Variants in STK33 observed in about 807,000 individuals in gnomAD.
The protein encoded by STK33 is serine/threonine-protein kinase 33.
Under a neutral mutation model 58.0 loss-of-function variants are expected in STK33, and 52 were observed. That is an observed-to-expected ratio of 0.90 (90% confidence interval 0.72 to 1.13). The LOEUF is 1.13. Ranked by LOEUF, STK33 falls within the 50% of genes most tolerant of loss-of-function variation. The pLI is 0.00. For synonymous variants in STK33, 215 were observed against 200.1 expected, an observed-to-expected ratio of 1.07 and a Z score of -0.63; for missense variants, 630 against 604.2, an observed-to-expected ratio of 1.04 and a Z score of -0.45.
At chr11:8,490,960 T>G (rs1950565877) in intron 1 of STK33, among the ~76,000 whole-genome samples, 1 of 151,998 alleles carries the variant, frequency 6.6e-6, no homozygotes, top group Non-Finnish European at 1.5e-5. Context: ...AGACCAAAGG[T>G]AGATAAAAAC....
At chr11:8,390,517 G>A (rs1426556788), downstream of STK33, among the ~76,000 whole-genome samples, 1 of 152,034 alleles carries the variant, frequency 6.6e-6, no homozygotes, top group African/African-American at 2.4e-5. Flanking sequence ...GCTCAGACAT[G>A]GCCTGGTCCA....
At chr11:8,408,419 A>G (rs564943364) in intron 15 of STK33, among the ~76,000 whole-genome samples, 19 of 152,296 alleles carry the variant, frequency 1.2e-4, no homozygotes, top group African/African-American at 4.3e-4. Flanking sequence ...GAATCTGGTT[A>G]AGCCTGTGGT....
chr11:8,506,621 A>C (rs971032994), intron 1 of STK33, among the ~76,000 whole-genome samples: 2 of 151,630 alleles, frequency 1.3e-5, no homozygotes, highest in Non-Finnish European at 2.9e-5. Flanking sequence ...ATCCAGCAAA[A>C]AAATCCCCTC....
At position 8,523,724 on chromosome 11, in the gene STK33, C is replaced by A. The variant is rs1307423502; in HGVS notation, c.-465-43110G>T. 4.7e-5 allele frequency among the ~76,000 whole-genome samples: 7 copies of A among 148,384 alleles called. No individual in the cohort carries two copies. In the East Asian group the frequency reaches 1.5e-3, roughly 31 times the overall value. On this transcript the variant is annotated intron_variant, in intron 1 of 15. Coordinates refer to ENST00000687296, the MANE Select transcript of STK33 (RefSeq NM_001352389.2). ...GTGGGGGGTGCCTCCGCCCAGCCAC[C>A]GCCCCGTCTGGGAGGTGGGGGGCGC...
At chr11:8,447,733 A>G (rs1945693412) in intron 11 of STK33, among the ~76,000 whole-genome samples, 2 of 152,222 alleles carry the variant, frequency 1.3e-5, no homozygotes, top group African/African-American at 2.4e-5. Context: ...GCACAAGACA[A>G]GGATGCCCTC....
chr11:8,538,185 C>CAA (rs879392901), intron 1 of STK33, among the ~76,000 whole-genome samples: 1 of 134,556 alleles, frequency 7.4e-6, no homozygotes, highest in African/African-American at 2.7e-5. Flanking sequence ...CAGACAGTAT[C>CAA]AAAAAAAAAA....
chr11:8,442,670 C>G (rs532568388), intron 11 of STK33, among the ~76,000 whole-genome samples: 3 of 152,276 alleles, frequency 2.0e-5, no homozygotes, highest in African/African-American at 7.2e-5. Context: ...CTTTTGCCAA[C>G]AGGGGGATAT....
intron 11 of STK33, among the ~76,000 whole-genome samples, chr11:8,452,111 G>C (rs902479326): frequency 6.6e-6 from 1 of 152,098 alleles, no homozygotes; most frequent in African/African-American, 2.4e-5. Flanking sequence ...GCTGAGGCAC[G>C]AGAATTGCTT....
At position 8,473,331 on chromosome 11, in the gene STK33, T is replaced by C. The variant is rs568500469; in HGVS notation, c.226-55A>G. ...AAACTTTAAGATGTAATATTCTTTG[T>C]TGACAAAGAATCCTAATTTAGATAA... On this transcript the variant is annotated intron_variant, in intron 5 of 15. Coordinates refer to ENST00000687296, the MANE Select transcript of STK33 (RefSeq NM_001352389.2). 2.0e-4 allele frequency: 217 copies of C among 1,065,554 alleles called. No individual in the cohort carries two copies. The African/African-American group carries it at 3.3e-3, about 16-fold the overall frequency. 66.0% of individuals were successfully genotyped at this position (1,065,554 alleles called of 1,614,324 possible).
chr11:8,360,977 C>A, the STK33 span, among the ~76,000 whole-genome samples: 1 of 152,182 alleles, frequency 6.6e-6, no homozygotes, highest in East Asian at 1.9e-4. Flanking sequence ...CACAGCAGTA[C>A]CTAAATTAGC....
intron 1 of STK33, among the ~76,000 whole-genome samples, chr11:8,539,085 G>C (rs1955290838): frequency 6.6e-6 from 1 of 152,004 alleles, no homozygotes; most frequent in African/African-American, 2.4e-5. Context: ...AGAAGTATCA[G>C]CTCCAGCCAG....
At chr11:8,413,745 G>A (rs531517965) in intron 14 of STK33, 53 bp from the exon 15 acceptor site, 262 of 1,477,310 alleles carry the variant, frequency 1.8e-4, no homozygotes, top group Admixed American at 7.7e-4. Flanking sequence ...GAATTGAGAC[G>A]ATACCTACAT....
At position 8,439,336 on chromosome 11, in the gene STK33, A is replaced by ATATATAATAAAT. The variant is rs1213889951; in HGVS notation, c.947+1341_947+1342insATTTATTATATA. ...TATATAATATTATAATATGGTTTTT[A>ATATATAATAAAT]AAAGCTTTATGAGGATACATAAAAG... On this transcript the variant is annotated intron_variant, in intron 12 of 15. Coordinates refer to ENST00000687296, the MANE Select transcript of STK33 (RefSeq NM_001352389.2). Among the ~76,000 whole-genome samples, 40 of 152,290 alleles carry ATATATAATAAAT rather than the reference A, an allele frequency of 2.6e-4. No individual in the cohort carries two copies. In the East Asian group the frequency reaches 7.7e-3, roughly 29 times the overall value.
the STK33 span, among the ~76,000 whole-genome samples, chr11:8,365,924 CCTGTCTGTATAT>C: frequency 6.6e-6 from 1 of 152,230 alleles, no homozygotes; most frequent in South Asian, 2.1e-4. Flanking sequence ...AGCCTTTCCG[CCTGTCTGTATAT>C]CTGTCTGTCT....
intron 15 of STK33, among the ~76,000 whole-genome samples, chr11:8,400,476 A>G (rs939410852): frequency 9.9e-5 from 15 of 152,228 alleles, no homozygotes; most frequent in Admixed American, 2.0e-4. Context: ...ATCTCAAAAT[A>G]ATAAGAGCTA....
In STK33 at chr11:8,530,389, G is replaced by A. The variant is rs1053664421; in HGVS notation, c.-465-49775C>T. Among the ~76,000 whole-genome samples the A allele has an allele frequency of 2.0e-5, 3 of 151,770 alleles. No homozygotes were observed. In the South Asian group the frequency reaches 6.2e-4, roughly 32 times the overall value. On this transcript the variant is annotated intron_variant, in intron 1 of 15. Transcript: ENST00000687296. ...GGTAAGGGAAGAAGAGAGGGTCCTG[G>A]TGGGGGAAATAGTTGAAATTTTATT...
At chr11:8,526,973 T>C (rs1489820797) in intron 1 of STK33, among the ~76,000 whole-genome samples, 3 of 31,140 alleles carry the variant, frequency 9.6e-5, no homozygotes, top group Non-Finnish European at 1.8e-4. Context: ...GATTTCCTCT[T>C]TTTTTTTTTT....
At chr11:8,518,136 G>C (rs543146140) in intron 1 of STK33, among the ~76,000 whole-genome samples, 1 of 152,270 alleles carries the variant, frequency 6.6e-6, no homozygotes, top group African/African-American at 2.4e-5. Flanking sequence ...GACTAACAGA[G>C]GATCTCTTGG....
intron 1 of STK33, among the ~76,000 whole-genome samples, chr11:8,519,392 A>G (rs1390179309): frequency 6.6e-6 from 1 of 152,260 alleles, no homozygotes; most frequent in East Asian, 1.9e-4. Context: ...GAAAGCAGGA[A>G]GGATCTAAAA....
Sources: gnomAD v4.1 joint callset for allele counts (sites outside exome capture counted in the v4.1 genomes callset) on GRCh38, gnomAD v4.1.1 for gene constraint, MANE v1.5 for transcripts, NCBI Gene and HGNC (gene_info 2026-07-23, HGNC 2026-07-21) for gene names.